SLC24A3: variants seen among roughly 807,000 people sequenced by gnomAD.
SLC24A3 encodes sodium/potassium/calcium exchanger 3.
A neutral mutation model predicts 75.8 loss-of-function variants in SLC24A3; 28 were observed. The ratio of observed to expected loss-of-function variants is 0.37; its 90% CI spans 0.27 to 0.51. The LOEUF is 0.51. Among genes scored for constraint, SLC24A3 ranks in the 20% least tolerant of loss-of-function variants. SLC24A3 has a pLI of 0.94. For synonymous variants in SLC24A3, 372 were observed against 334.1 expected (o/e 1.11, Z -1.24); for missense variants, 663 against 847.8 (o/e 0.78, Z 2.71).
intron 3 of SLC24A3, among the ~76,000 whole-genome samples, chr20:19,521,960 T>G (rs1171590787): frequency 6.6e-6 from 1 of 152,014 alleles, no homozygotes; most frequent in African/African-American, 2.4e-5. Context: ...GTCTTTTCAC[T>G]TTTTTGGCCC....
intron 3 of SLC24A3, among the ~76,000 whole-genome samples, chr20:19,577,831 C>T (rs2031162659): frequency 6.6e-6 from 1 of 152,180 alleles, no homozygotes; most frequent in Admixed American, 6.5e-5. Flanking sequence ...TGATGAACCA[C>T]AGTTTATATA....
intron 3 of SLC24A3, among the ~76,000 whole-genome samples, chr20:19,571,695 G>A (rs562579055): frequency 5.9e-5 from 9 of 152,222 alleles, no homozygotes; most frequent in South Asian, 4.2e-4. Context: ...ACATATGCTC[G>A]TTTCCCTTGG....
intron 3 of SLC24A3, among the ~76,000 whole-genome samples, chr20:19,542,358 A>G (rs1223865564): frequency 2.0e-5 from 3 of 152,186 alleles, no homozygotes; most frequent in African/African-American, 7.2e-5. Context: ...CTTCCTCTTC[A>G]TTAGAATGCA....
chr20:19,507,173 CA>C (rs2122548746), intron 2 of SLC24A3, among the ~76,000 whole-genome samples: 1 of 152,322 alleles, frequency 6.6e-6, no homozygotes, highest in East Asian at 1.9e-4. Context: ...CCTCAACCAA[CA>C]CTATTAAGTG....
chr20:19,491,977 G>GCC (rs1002050775), intron 2 of SLC24A3, among the ~76,000 whole-genome samples: 1 of 118,610 alleles, frequency 8.4e-6, no homozygotes. Flanking sequence ...GTGCTCAAGG[G>GCC]CCCCCCCTTC....
intron 2 of SLC24A3, among the ~76,000 whole-genome samples, chr20:19,368,131 C>G (rs1202146661): frequency 2.6e-5 from 4 of 152,156 alleles, no homozygotes; most frequent in African/African-American, 9.6e-5. Context: ...CACGTGCATG[C>G]ACATTTAGTT....
At chr20:19,517,641 A>G (rs1226696065) in intron 3 of SLC24A3, among the ~76,000 whole-genome samples, 1 of 152,226 alleles carries the variant, frequency 6.6e-6, no homozygotes, top group African/African-American at 2.4e-5. Context: ...TTTAGAATCC[A>G]TAGGGCAAGG....
chr20:19,437,201 T>G (rs1987219950), intron 2 of SLC24A3, among the ~76,000 whole-genome samples: 1 of 152,146 alleles, frequency 6.6e-6, no homozygotes, highest in Non-Finnish European at 1.5e-5. Flanking sequence ...CAAGTCTCAC[T>G]TTGAATTGTA....
intron 7 of SLC24A3, among the ~76,000 whole-genome samples, chr20:19,662,259 A>G (rs2032335076): frequency 6.6e-6 from 1 of 152,168 alleles, no homozygotes; most frequent in South Asian, 2.1e-4. Flanking sequence ...ACGCTTACCC[A>G]AGGGTTGCTT....
intron 2 of SLC24A3, among the ~76,000 whole-genome samples, chr20:19,316,043 T>C (rs1984577606): frequency 6.6e-6 from 1 of 152,052 alleles, no homozygotes; most frequent in African/African-American, 2.4e-5. Flanking sequence ...CAGAATGCAC[T>C]GGTAATAGCA....
At chr20:19,394,902 C>G (rs1986426875) in intron 2 of SLC24A3, among the ~76,000 whole-genome samples, 1 of 152,192 alleles carries the variant, frequency 6.6e-6, no homozygotes. Flanking sequence ...GACACTCAAA[C>G]AGATATCTGT....
chr20:19,319,893 G>A (rs1568588025), intron 2 of SLC24A3, among the ~76,000 whole-genome samples: 3 of 152,234 alleles, frequency 2.0e-5, no homozygotes, highest in Admixed American at 6.5e-5. Context: ...GCATACCTAA[G>A]GAATCAGTGC....
intron 2 of SLC24A3, among the ~76,000 whole-genome samples, chr20:19,474,582 GA>G (rs1987930110): frequency 6.6e-6 from 1 of 152,110 alleles, no homozygotes; most frequent in Non-Finnish European, 1.5e-5. Context: ...CTATGTGAAA[GA>G]AAAATATTTT....
chr20:19,580,967 G>C (rs1041157551), intron 4 of SLC24A3, among the ~76,000 whole-genome samples: 1 of 152,114 alleles, frequency 6.6e-6, no homozygotes, highest in Non-Finnish European at 1.5e-5. Context: ...TTTCTAATAC[G>C]TTTTTCAGGT....
chr20:19,224,691 A>G (rs1484730193), intron 1 of SLC24A3, among the ~76,000 whole-genome samples: 1 of 152,154 alleles, frequency 6.6e-6, no homozygotes, highest in Non-Finnish European at 1.5e-5. Context: ...AGTATCAGAG[A>G]TGGAGAAACT....
chr20:19,511,567 T>C (rs2122553757), intron 2 of SLC24A3, among the ~76,000 whole-genome samples: 1 of 152,254 alleles, frequency 6.6e-6, no homozygotes, highest in South Asian at 2.1e-4. Context: ...GACCTTGTGA[T>C]CCGCCCACAT....
At position 19,212,810 on chromosome 20, in the gene SLC24A3, C is replaced by T. The variant is rs1981439139; in HGVS notation, c.-33C>T. The T allele has an allele frequency of 1.0e-6, 1 of 979,490 alleles. No homozygotes were observed. The highest frequency in any genetic ancestry group is 6.4e-5 in the Admixed American group (1 of 15,694). 60.7% of individuals were successfully genotyped at this position (979,490 alleles called of 1,614,324 possible). A position where few individuals can be genotyped will look rare whatever the true frequency, so the allele number is the denominator to read the frequency against. The stretch of plus-strand genomic sequence containing the variant: ...GGCCGCCCGCGACAGGAGCGGCCGC[C>T]GCCCGCCGAGGCCGCCGCCCGGCCG... On this transcript the variant is annotated 5_prime_UTR_variant, in exon 1 of 17. Coordinates refer to ENST00000328041, the MANE Select transcript of SLC24A3 (RefSeq NM_020689.4).
intron 16 of SLC24A3, among the ~76,000 whole-genome samples, chr20:19,719,173 A>G (rs926578458): frequency 1.3e-5 from 2 of 152,072 alleles, no homozygotes; most frequent in Non-Finnish European, 2.9e-5. Flanking sequence ...GGTGCTAATG[A>G]GAGGGTAGTG....
At chr20:19,358,916 C>T (rs1985737706) in intron 2 of SLC24A3, among the ~76,000 whole-genome samples, 1 of 152,172 alleles carries the variant, frequency 6.6e-6, no homozygotes, top group South Asian at 2.1e-4. Context: ...ATCATGTTTT[C>T]AGGGTTCATC....
Sources: allele counts gnomAD v4.1 joint callset (sites outside exome capture counted in the v4.1 genomes callset), GRCh38; gene constraint gnomAD v4.1.1; transcripts MANE v1.5; gene names NCBI Gene and HGNC (gene_info 2026-07-23, HGNC 2026-07-21).